SHROOM3: variants seen among roughly 807,000 people sequenced by gnomAD.
The protein encoded by SHROOM3 is shroom family member 3.
SHROOM3 carries 47 observed loss-of-function variants against 138.6 expected under a neutral mutation model. The observed-to-expected ratio is 0.34, with a 90% CI of 0.27 to 0.43. The LOEUF (loss-of-function observed/expected upper bound fraction) is 0.43, where lower values mean the gene tolerates loss of function less well. SHROOM3 is among the 20% of genes least tolerant of loss of function. The pLI, the probability that SHROOM3 is intolerant of heterozygous loss-of-function variation, is 1.00. For missense variants in SHROOM3, 2,491 were observed against 2,596.5 expected, an observed-to-expected ratio of 0.96 and a Z score of 0.88; for synonymous variants, 1,062 against 1,063.3, an observed-to-expected ratio of 1.00 and a Z score of 0.02.
At chr4:76,771,462 C>T (rs577620233) in intron 10 of SHROOM3, among the ~76,000 whole-genome samples, 1 of 152,122 alleles carries the variant, frequency 6.6e-6, no homozygotes. Flanking sequence ...TTCTTTCCTC[C>T]CAACTGTCTT....
At chr4:76,605,513 T>C (rs1734595155) in intron 2 of SHROOM3, among the ~76,000 whole-genome samples, 1 of 152,166 alleles carries the variant, frequency 6.6e-6, no homozygotes, top group African/African-American at 2.4e-5. Flanking sequence ...GTATGACTCA[T>C]TCCTCTAACT....
At chr4:76,689,180 T>A (rs1719423081) in intron 2 of SHROOM3, among the ~76,000 whole-genome samples, 1 of 151,976 alleles carries the variant, frequency 6.6e-6, no homozygotes, top group Admixed American at 6.6e-5. Flanking sequence ...TTCGGTCCGG[T>A]CCCCTTAATA....
At chr4:76,585,554 T>TTTAAA (rs1418444156) in intron 2 of SHROOM3, among the ~76,000 whole-genome samples, 1 of 152,162 alleles carries the variant, frequency 6.6e-6, no homozygotes, top group South Asian at 2.1e-4. Context: ...AGATGATAGA[T>TTTAAA]TTAAGTAAAG....
At chr4:76,647,040 G>GA (rs1168985877) in intron 2 of SHROOM3, among the ~76,000 whole-genome samples, 2 of 152,094 alleles carry the variant, frequency 1.3e-5, no homozygotes, top group East Asian at 3.8e-4. Context: ...AAAGGATAAA[G>GA]AAAATGTATA....
chr4:76,678,751 C>T (rs1287112647), intron 2 of SHROOM3, among the ~76,000 whole-genome samples: 1 of 152,200 alleles, frequency 6.6e-6, no homozygotes, highest in Non-Finnish European at 1.5e-5. Context: ...ACCTCCGCCT[C>T]CCAGGTTCAA....
At chr4:76,478,854 T>A (rs537463365) in intron 1 of SHROOM3, among the ~76,000 whole-genome samples, 1 of 152,222 alleles carries the variant, frequency 6.6e-6, no homozygotes, top group Admixed American at 6.5e-5. Context: ...TGAGTGGACC[T>A]TCAGCAAACT....
rs1272445659 is a variant in SHROOM3 at position 76,781,115 on chromosome 4, C to CT, written c.*1941dup. 1 of 152,152 alleles carries CT rather than the reference C, an allele frequency of 6.6e-6. No individual in the cohort carries two copies. The highest frequency in any genetic ancestry group is 6.5e-5 in the Admixed American group (1 of 15,272). The allele number at this position is 152,152 out of a possible 1,614,324, so 9.4% of individuals were successfully genotyped here. A position where few individuals can be genotyped will look rare whatever the true frequency, so the allele number is the denominator to read the frequency against. On this transcript the variant is annotated 3_prime_UTR_variant, in exon 11 of 11. Transcript: ENST00000296043. ...CTGGGGAACATTTTACATATTCAGT[C>CT]TTTCTCAAAAATTTTTATTTATTTT...
chr4:76,536,047 A>C (rs976906787), intron 1 of SHROOM3, among the ~76,000 whole-genome samples: 2 of 152,240 alleles, frequency 1.3e-5, no homozygotes, highest in Non-Finnish European at 2.9e-5. Context: ...CCAGGGTTAC[A>C]ACTCATCTTA....
intron 2 of SHROOM3, among the ~76,000 whole-genome samples, chr4:76,671,948 C>T (rs367976715): frequency 5.3e-5 from 8 of 152,270 alleles, no homozygotes; most frequent in South Asian, 2.1e-4. Context: ...TTGGGCATCA[C>T]GTCAGTGCTC....
At chr4:76,488,963 G>C (rs748770744) in intron 1 of SHROOM3, among the ~76,000 whole-genome samples, 15 of 152,242 alleles carry the variant, frequency 9.9e-5, no homozygotes, top group Non-Finnish European at 7.3e-5. Context: ...TAGTTCCAGA[G>C]TCAGTACTAA....
At chr4:76,667,056 T>C (rs1289081771) in intron 2 of SHROOM3, among the ~76,000 whole-genome samples, 2 of 152,186 alleles carry the variant, frequency 1.3e-5, no homozygotes, top group Non-Finnish European at 2.9e-5. Context: ...AGAATGGTGG[T>C]TGGCAGGGGC....
intron 9 of SHROOM3, among the ~76,000 whole-genome samples, chr4:76,767,269 A>G (rs1211652505): frequency 6.6e-6 from 1 of 152,224 alleles, no homozygotes. Context: ...TTCAGCAGAA[A>G]ATTTGAAAGG....
In SHROOM3 at chr4:76,754,916, C is replaced by A. The variant is rs758915004; in HGVS notation, c.4433C>A (p.Ala1478Asp). The A allele has an allele frequency of 3.7e-6, 6 of 1,614,206 alleles. No individual in the cohort carries two copies. The South Asian group carries it at 6.6e-5, about 18-fold the overall frequency. The change falls in exon 7 of 11, where the codon GCC (alanine) becomes GAC (aspartate). Residue 1478 changes from alanine to aspartate, a missense_variant. By Grantham distance (126) the Ala-to-Asp change is moderately radical. Transcript: ENST00000296043. ...TCTGACCCAGACACACCTCTTGGGG[C>A]CCCGAGCACTCCAGGGAGGATCTCC... ...STSDPDTPLG[A>D]PSTPGRISLR...
Position 76,754,165 on chromosome 4 carries a change from C to G in SHROOM3, c.3828-146C>G, listed in dbSNP as rs373626946. ...TAACTTGGGTCTTCCTGTGAGCAGC[C>G]AGGGAAGACAGTGTGCAGTTTCTGG... On this transcript the variant is annotated intron_variant, in intron 6 of 10. Coordinates refer to ENST00000296043, the MANE Select transcript of SHROOM3 (RefSeq NM_020859.4). The G allele has an allele frequency of 2.2e-5, 22 of 1,021,124 alleles. No homozygotes were observed. The African/African-American group carries it at 2.4e-4, about 11-fold the overall frequency. 63.3% of individuals were successfully genotyped at this position (1,021,124 alleles called of 1,614,324 possible).
At chr4:76,755,235 G>C in intron 7 of SHROOM3, 43 bp downstream of exon 7, 1 of 1,600,996 alleles carries the variant, frequency 6.2e-7, no homozygotes, top group Non-Finnish European at 8.5e-7. Context: ...TAACAGGAGA[G>C]TGTCATGCCC....
At chr4:76,738,338 ATTCTC>A (rs1037416054) in intron 4 of SHROOM3, among the ~76,000 whole-genome samples, 4 of 152,178 alleles carry the variant, frequency 2.6e-5, no homozygotes, top group African/African-American at 7.2e-5. Context: ...ACCCGTGCCT[ATTCTC>A]TTATTAACTT....
intron 2 of SHROOM3, among the ~76,000 whole-genome samples, chr4:76,617,373 T>G (rs1414120671): frequency 1.3e-5 from 2 of 152,228 alleles, no homozygotes; most frequent in Non-Finnish European, 2.9e-5. Context: ...TTTTACTCAT[T>G]TTTTCCCCTA....
chr4:76,605,933 C>CTCTATA (rs1734603561), intron 2 of SHROOM3, among the ~76,000 whole-genome samples: 1 of 133,098 alleles, frequency 7.5e-6, no homozygotes, highest in Non-Finnish European at 1.6e-5. Flanking sequence ...CTCTCTCTCT[C>CTCTATA]TATATATATA....
chr4:76,638,064 G>A (rs1271587635), intron 2 of SHROOM3, among the ~76,000 whole-genome samples: 1 of 152,142 alleles, frequency 6.6e-6, no homozygotes, highest in Non-Finnish European at 1.5e-5. Flanking sequence ...TTCTTGGAGA[G>A]GTCAAAGAAA....
Sources: allele counts gnomAD v4.1 joint callset (sites outside exome capture counted in the v4.1 genomes callset), GRCh38; gene constraint gnomAD v4.1.1; transcripts MANE v1.5; gene names NCBI Gene and HGNC (gene_info 2026-07-23, HGNC 2026-07-21).